Variants in NAA60 observed in about 807,000 individuals in gnomAD.
NAA60 encodes N-alpha-acetyltransferase 60, NatF catalytic subunit, also known as N-alpha-acetyltransferase 60.
In NAA60, 8 loss-of-function variants were observed where a neutral mutation model predicts 26.1. The observed-to-expected ratio is 0.31, with a 90% CI of 0.18 to 0.55. NAA60 has a LOEUF of 0.55. NAA60 is among the 20% of genes least tolerant of loss of function. NAA60 has a pLI of 0.93. For synonymous variants in NAA60, 131 were observed against 122.5 expected (o/e 1.07, Z -0.46); for missense variants, 290 against 311.3 (o/e 0.93, Z 0.51).
At chr16:3,474,430 T>C (rs1256101976) in intron 2 of NAA60, among the ~76,000 whole-genome samples, 1 of 152,144 alleles carries the variant, frequency 6.6e-6, no homozygotes, top group Non-Finnish European at 1.5e-5. Flanking sequence ...CTATCTCCAC[T>C]CCGCAGAGAA....
intron 1 of NAA60, chr16:3,447,720 C>T: frequency 1.3e-6 from 1 of 772,864 alleles, no homozygotes; most frequent in African/African-American, 1.9e-5. Context: ...TACCTAGTCT[C>T]CAGTCTTATA....
At chr16:3,458,350 C>T (rs1000188309) in intron 2 of NAA60, among the ~76,000 whole-genome samples, 1 of 151,492 alleles carries the variant, frequency 6.6e-6, no homozygotes, top group African/African-American at 2.4e-5. Context: ...ACGGTCCTCC[C>T]GGGAGCCGGT....
chr16:3,446,608 CTTTATTA>C (rs1160530933), intron 1 of NAA60, among the ~76,000 whole-genome samples: 1 of 135,638 alleles, frequency 7.4e-6, no homozygotes, highest in African/African-American at 2.6e-5. Context: ...ACTATTTACT[CTTTATTA>C]TTTGTTTTTT....
chr16:3,447,657 G>A (rs1456610928), intron 1 of NAA60: 6 of 984,448 alleles, frequency 6.1e-6, no homozygotes, highest in African/African-American at 3.5e-5. Flanking sequence ...TTCAGCAAGA[G>A]GTTTTCTTAC....
intron 2 of NAA60, chr16:3,458,259 C>A: frequency 2.2e-6 from 2 of 912,340 alleles, no homozygotes; most frequent in Non-Finnish European, 2.6e-6. Context: ...GGGGAGGCCG[C>A]GCCGGGGTCA....
chr16:3,485,950 G>T lies in NAA60; in HGVS notation c.*690G>T, dbSNP rs1596370287. 3.3e-6 allele frequency: 1 copy of T among 304,410 alleles called. No individual in the cohort carries two copies. The highest frequency in any genetic ancestry group is 6.5e-6 in the Non-Finnish European group (1 of 153,924). The allele number at this position is 304,410 out of a possible 1,614,324, so 18.9% of individuals were successfully genotyped here. A position where few individuals can be genotyped will look rare whatever the true frequency, so the allele number is the denominator to read the frequency against. On this transcript the variant is annotated 3_prime_UTR_variant, in exon 8 of 8. Coordinates refer to ENST00000407558, the MANE Select transcript of NAA60 (RefSeq NM_001083601.3). Reference sequence around the variant, plus strand: ...CAGCACCTTCCGTGCAGTTACCAGTGCCCTGGGAGGTCACACTGCCCGTCG... The same window carrying T: ...CAGCACCTTCCGTGCAGTTACCAGTTCCCTGGGAGGTCACACTGCCCGTCG...
chr16:3,456,854 A>G (rs927673456), intron 2 of NAA60: 2 of 152,096 alleles, frequency 1.3e-5, no homozygotes, highest in South Asian at 2.1e-4. Flanking sequence ...CAGTGGCGCA[A>G]TCTCGGCTCA....
chr16:3,484,644 G>A (rs749795405), intron 6 of NAA60, 55 bp from the exon 7 acceptor site: 2 of 1,548,512 alleles, frequency 1.3e-6, no homozygotes, highest in Non-Finnish European at 8.7e-7. Context: ...CCTGATGACT[G>A]TGCCCTGGCG....
Position 3,483,387 on chromosome 16 carries a change from AG to A in NAA60, c.364del (p.Asp122IlefsTer26). 6.2e-7 allele frequency: 1 copy of A among 1,612,672 alleles called. No individual in the cohort carries two copies. The highest frequency in any genetic ancestry group is 8.5e-7 in the Non-Finnish European group (1 of 1,179,274). On this transcript the variant is annotated frameshift_variant, in exon 6 of 8. Coordinates refer to ENST00000407558, the MANE Select transcript of NAA60 (RefSeq NM_001083601.3). LOFTEE classifies it high-confidence loss of function. ...GGTTCCCTCTTACTTGAAAGTTTAAAGGATCACATATCAACCACCGCCCAGG... is the reference window on the plus strand; with the variant it reads ...GGTTCCCTCTTACTTGAAAGTTTAAAGATCACATATCAACCACCGCCCAGG... ...GIGSLLLESL[K>X]DHISTTAQDH...
intron 5 of NAA60, chr16:3,482,836 G>A: frequency 1.7e-6 from 1 of 573,146 alleles, no homozygotes; most frequent in South Asian, 2.0e-5. Context: ...CCTTTCTGCT[G>A]CAGCCTCGCT....
intron 2 of NAA60, chr16:3,458,137 G>A: frequency 1.0e-6 from 1 of 985,192 alleles, no homozygotes. Context: ...TCCAGGATGC[G>A]CTGAGCCCTA....
intron 1 of NAA60, 45 bp downstream of exon 1, chr16:3,443,882 GGCCAGA>G (rs1567356698): frequency 6.6e-7 from 1 of 1,513,526 alleles, no homozygotes; most frequent in East Asian, 2.5e-5. Context: ...ATTTCGGTCT[GGCCAGA>G]GCAAGGTGAT....
chr16:3,471,005 C>CA (rs1033030509), intron 2 of NAA60, among the ~76,000 whole-genome samples: 1 of 152,180 alleles, frequency 6.6e-6, no homozygotes, highest in Non-Finnish European at 1.5e-5. Flanking sequence ...CCTCCAGAAA[C>CA]ACGGAAGCAC....
At chr16:3,454,197 C>G (rs773644675) in intron 2 of NAA60, among the ~76,000 whole-genome samples, 5 of 152,142 alleles carry the variant, frequency 3.3e-5, no homozygotes, top group African/African-American at 7.2e-5. Context: ...TCCCTATCTC[C>G]AAGGCTGAAA....
chr16:3,468,267 C>G (rs2035892632), intron 2 of NAA60: 1 of 152,190 alleles, frequency 6.6e-6, no homozygotes, highest in African/African-American at 2.4e-5. Flanking sequence ...TCTTGATCTG[C>G]TTGGTAGAAA....
Position 3,443,723 on chromosome 16 carries a change from T to G in NAA60, c.-191T>G. 6 of 1,478,216 alleles carry G rather than the reference T, an allele frequency of 4.1e-6. No homozygotes were observed. Among genetic ancestry groups the G allele is most frequent in the Non-Finnish European group, 5.4e-6 (6 of 1,117,044 alleles). The allele number at this position is 1,478,216 out of a possible 1,614,324, so 91.6% of individuals were successfully genotyped here. The stretch of plus-strand genomic sequence containing the variant: ...TCTCCTCCGTGAGCTCCGGGCCTGT[T>G]TGCCTGCTGAAGTAGAGTCTTAGGG... On this transcript the variant is annotated 5_prime_UTR_variant, in exon 1 of 8. Transcript: ENST00000407558.
intron 2 of NAA60, among the ~76,000 whole-genome samples, chr16:3,475,079 C>G (rs377609854): frequency 8.1e-5 from 12 of 148,964 alleles, no homozygotes; most frequent in Middle Eastern, 3.5e-3. Context: ...CCACACCCAG[C>G]CTTCCATCCT....
intron 2 of NAA60, among the ~76,000 whole-genome samples, chr16:3,449,734 A>T (rs182035061): frequency 2.0e-4 from 30 of 152,208 alleles, no homozygotes; most frequent in Admixed American, 2.0e-3. Flanking sequence ...ATTCCCATAT[A>T]TTATGGGAGG....
At position 3,473,030 on chromosome 16, in the gene NAA60, T is replaced by C. The variant is rs564736521; in HGVS notation, c.-6-3192T>C. The stretch of plus-strand genomic sequence containing the variant: ...TGTCATCTGTTTTGTTTTGTTTTGT[T>C]TTGTTTCGTTTCATTTCGTTTTTGA... On this transcript the variant is annotated intron_variant, in intron 2 of 7. Coordinates refer to ENST00000407558, the MANE Select transcript of NAA60 (RefSeq NM_001083601.3). Among the ~76,000 whole-genome samples the C allele has an allele frequency of 1.3e-3, 194 of 152,240 alleles. 4 individuals are homozygous for C. In the South Asian group the frequency reaches 0.025, roughly 20 times the overall value.
Sources: gnomAD v4.1 joint callset for allele counts (sites outside exome capture counted in the v4.1 genomes callset) on GRCh38, gnomAD v4.1.1 for gene constraint, MANE v1.5 for transcripts, NCBI Gene and HGNC (gene_info 2026-07-23, HGNC 2026-07-21) for gene names.